WDFY3: variants seen among roughly 807,000 people sequenced by gnomAD.
WDFY3 encodes the protein WD repeat and FYVE domain-containing protein 3.
In WDFY3, 66 loss-of-function variants were observed where a neutral mutation model predicts 409.6. The observed-to-expected ratio is 0.16, with a 90% CI of 0.13 to 0.20. The LOEUF (loss-of-function observed/expected upper bound fraction) is 0.20, where lower values mean the gene tolerates loss of function less well. Ranked by LOEUF, WDFY3 falls within the 10% of genes least tolerant of loss-of-function variation. The pLI, the probability that WDFY3 is intolerant of heterozygous loss-of-function variation, is 1.00. For missense variants in WDFY3, 3,031 were observed against 4,298.1 expected (o/e 0.71, Z 8.24); for synonymous variants, 1,521 against 1,537.1 (o/e 0.99, Z 0.25).
chr4:84,707,319 G>C (rs1732137519), intron 53 of WDFY3, among the ~76,000 whole-genome samples: 1 of 152,152 alleles, frequency 6.6e-6, no homozygotes, highest in Non-Finnish European at 1.5e-5. Flanking sequence ...GGAGAGACTA[G>C]AGCATTAAGC....
chr4:84,913,282 C>G (rs1038617202), intron 2 of WDFY3, among the ~76,000 whole-genome samples: 2 of 152,120 alleles, frequency 1.3e-5, no homozygotes, highest in African/African-American at 4.8e-5. Context: ...AAAAATGACA[C>G]CATAGAAGAT....
chr4:84,916,887 C>CTG (rs1006858369), intron 2 of WDFY3, among the ~76,000 whole-genome samples: 1 of 152,076 alleles, frequency 6.6e-6, no homozygotes, highest in Admixed American at 6.6e-5. Context: ...CATCTATAAG[C>CTG]TCTTTTTAGA....
chr4:84,792,260 A>G (rs1029995096), intron 21 of WDFY3, among the ~76,000 whole-genome samples: 1 of 152,228 alleles, frequency 6.6e-6, no homozygotes, highest in African/African-American at 2.4e-5. Flanking sequence ...AATCTTATCC[A>G]TGAGGTGACT....
At position 84,671,003 on chromosome 4, in the gene WDFY3, TA is replaced by T. The variant is rs1725367080; in HGVS notation, c.*1864del. 1 of 152,652 alleles carries T rather than the reference TA, an allele frequency of 6.6e-6. No individual in the cohort carries two copies. The highest frequency in any genetic ancestry group is 2.1e-4 in the South Asian group (1 of 4,834). 9.5% of individuals were successfully genotyped at this position (152,652 alleles called of 1,614,324 possible). A position where few individuals can be genotyped will look rare whatever the true frequency, so the allele number is the denominator to read the frequency against. On this transcript the variant is annotated 3_prime_UTR_variant, in exon 68 of 68. Transcript: ENST00000295888. ...TGAACTTTTAGAAATGGAAGTGTTT[TA>T]ATCAATTTTGATATGTAATCATAAA...
intron 2 of WDFY3, among the ~76,000 whole-genome samples, chr4:84,931,864 A>C (rs1770807210): frequency 6.6e-6 from 1 of 152,192 alleles, no homozygotes; most frequent in African/African-American, 2.4e-5. Context: ...TTTAATCCTT[A>C]AACTAGTCAC....
chr4:84,871,689 T>C (rs1317312764), intron 3 of WDFY3, among the ~76,000 whole-genome samples: 1 of 151,950 alleles, frequency 6.6e-6, no homozygotes, highest in Non-Finnish European at 1.5e-5. Context: ...AGGGCTGGAG[T>C]GCAGGTGCAA....
At chr4:84,797,674 G>A (rs566324912) in intron 18 of WDFY3, among the ~76,000 whole-genome samples, 35 of 151,842 alleles carry the variant, frequency 2.3e-4, no homozygotes, top group Non-Finnish European at 4.7e-4. Context: ...TCTGCCTCCC[G>A]GGTTCACGCC....
intron 2 of WDFY3, among the ~76,000 whole-genome samples, chr4:84,911,767 T>A (rs1767829252): frequency 6.6e-6 from 1 of 152,200 alleles, no homozygotes; most frequent in African/African-American, 2.4e-5. Context: ...ATTTTTATCA[T>A]TTTTTACCAT....
At chr4:84,891,545 A>G (rs1764954628) in intron 3 of WDFY3, among the ~76,000 whole-genome samples, 1 of 152,166 alleles carries the variant, frequency 6.6e-6, no homozygotes, top group African/African-American at 2.4e-5. Flanking sequence ...AGCATAAACC[A>G]CCTAATCCAC....
rs1734325274 is a variant in WDFY3, at chr4:84,718,479, T to A, written c.7697A>T (p.Asp2566Val). 3.1e-6 allele frequency: 5 copies of A among 1,614,034 alleles called. No individual in the cohort carries two copies. In the Admixed American group the frequency reaches 8.3e-5, roughly 27 times the overall value. The change falls in exon 48 of 68, where the codon GAT (aspartate) becomes GTT (valine). Residue 2566 changes from aspartate to valine, a missense_variant. This residue lies in a region of WDFY3 where 40 missense variants were observed against 54.2 expected (regional missense o/e 0.74). Transcript: ENST00000295888. ...LFGKEHFYVIDGFTMTATREI... is the reference protein window; with the variant it reads ...LFGKEHFYVIVGFTMTATREI... ...CCTGGTTGCTGTCATGGTAAATCCATCAATCACATAAAAATGCTCTTTACC... is the reference window on the plus strand; with the variant it reads ...CCTGGTTGCTGTCATGGTAAATCCAACAATCACATAAAAATGCTCTTTACC...
chr4:84,915,375 T>C (rs1485297071), intron 2 of WDFY3, among the ~76,000 whole-genome samples: 3 of 152,202 alleles, frequency 2.0e-5, no homozygotes, highest in African/African-American at 7.2e-5. Flanking sequence ...TAAGATTGAA[T>C]ATTATTCCTG....
intron 1 of WDFY3, among the ~76,000 whole-genome samples, chr4:84,937,852 C>T (rs921710224): frequency 2.0e-5 from 3 of 152,214 alleles, no homozygotes; most frequent in South Asian, 2.1e-4. Flanking sequence ...TCCCTATATG[C>T]TTTTCCAAGA....
intron 3 of WDFY3, among the ~76,000 whole-genome samples, chr4:84,896,611 A>G (rs1049704198): frequency 5.9e-5 from 9 of 152,200 alleles, no homozygotes; most frequent in Admixed American, 5.9e-4. Context: ...TTCCCTCCCT[A>G]GCACTGTCAT....
At chr4:84,844,093 A>C (rs1757748094) in intron 5 of WDFY3, among the ~76,000 whole-genome samples, 1 of 152,200 alleles carries the variant, frequency 6.6e-6, no homozygotes, top group East Asian at 1.9e-4. Flanking sequence ...TCATTAAATA[A>C]GTAAAGAATG....
chr4:84,881,548 A>AT (rs1419347938), intron 3 of WDFY3, among the ~76,000 whole-genome samples: 3 of 151,690 alleles, frequency 2.0e-5, no homozygotes, highest in Non-Finnish European at 4.4e-5. Context: ...AAACAACCTA[A>AT]TTGGCCTCTA....
intron 58 of WDFY3, among the ~76,000 whole-genome samples, chr4:84,694,808 T>G (rs1472663096): frequency 1.3e-5 from 2 of 152,028 alleles, no homozygotes; most frequent in Non-Finnish European, 2.9e-5. Context: ...CATGTTTCTT[T>G]TATTAGGGGA....
At chr4:84,682,350 T>A (rs1329132006) in intron 64 of WDFY3, 24 bp downstream of exon 64, 1 of 1,594,356 alleles carries the variant, frequency 6.3e-7, no homozygotes, top group East Asian at 2.2e-5. Context: ...ACGATTTGAG[T>A]CATTTTTAGA....
chr4:84,751,921 C>T (rs1740589480), intron 35 of WDFY3, among the ~76,000 whole-genome samples: 1 of 152,138 alleles, frequency 6.6e-6, no homozygotes, highest in African/African-American at 2.4e-5. Flanking sequence ...TATGGTGTTT[C>T]TGACTGACCA....
At chr4:84,720,602 A>C (rs1734699046) in intron 47 of WDFY3, among the ~76,000 whole-genome samples, 1 of 152,008 alleles carries the variant, frequency 6.6e-6, no homozygotes, top group Admixed American at 6.5e-5. Context: ...TTCACACAAG[A>C]GCTCCTTTTC....
Sources: allele counts gnomAD v4.1 joint callset (sites outside exome capture counted in the v4.1 genomes callset), GRCh38; gene constraint gnomAD v4.1.1; regional missense constraint gnomAD v4.1.1; transcripts MANE v1.5; gene names NCBI Gene and HGNC (gene_info 2026-07-23, HGNC 2026-07-21).